Variants in BCAS3 observed in about 807,000 individuals in gnomAD.
The protein encoded by BCAS3 is BCAS3 microtubule associated cell migration factor.
BCAS3 carries 53 observed loss-of-function variants against 116.1 expected under a neutral mutation model. The ratio of observed to expected loss-of-function variants is 0.46; its 90% confidence interval spans 0.37 to 0.57. The LOEUF is 0.57. BCAS3 is among the 20% of genes least tolerant of loss of function. The probability of loss-of-function intolerance (pLI) is 0.00; values close to 1 mark genes in which losing one functional copy is unlikely to be tolerated. For synonymous variants in BCAS3, 391 were observed against 408.2 expected (o/e 0.96, Z 0.51); for missense variants, 917 against 1,165.4 (o/e 0.79, Z 3.10).
rs1225457393 is a variant in BCAS3 at position 61,013,274 on chromosome 17, T to C, written c.1487-2477T>C. 1.3e-5 allele frequency among the ~76,000 whole-genome samples: 2 copies of C among 152,098 alleles called. No homozygotes were observed. The highest frequency in any genetic ancestry group is 2.4e-5 in the African/African-American group (1 of 41,438). ...AGGAAAACAGTCCCTTACAGTGTTA[T>C]CTTAAGCTAAGGCACTCAACAAATA... On this transcript the variant is annotated intron_variant, in intron 15 of 23. Transcript: ENST00000407086. This position sits in a 1 kb window ranked among gnomAD's most constrained non-coding sequence, Gnocchi z 4.4.
chr17:60,989,346 T>C (rs1031342305), intron 14 of BCAS3, among the ~76,000 whole-genome samples: 7 of 152,214 alleles, frequency 4.6e-5, no homozygotes, highest in African/African-American at 1.7e-4. Flanking sequence ...GATATTGAGA[T>C]AAAGGTAGTA....
chr17:61,014,227 A>G (rs1313152805), intron 15 of BCAS3, among the ~76,000 whole-genome samples: 1 of 152,100 alleles, frequency 6.6e-6, no homozygotes, highest in East Asian at 1.9e-4. Context: ...TTTTTGCATG[A>G]AAGAGTTGTT....
intron 15 of BCAS3, among the ~76,000 whole-genome samples, chr17:61,005,782 CT>C (rs975799628): frequency 3.7e-5 from 5 of 135,632 alleles, no homozygotes; most frequent in African/African-American, 1.3e-4. Context: ...GAAAAAATTT[CT>C]TTTTTTTCTT....
In BCAS3 at chr17:61,161,891, C is replaced by T. The variant is rs1318691696; in HGVS notation, c.2425+77327C>T. 6.6e-6 allele frequency among the ~76,000 whole-genome samples: 1 copy of T among 152,192 alleles called. No homozygotes were observed. Among genetic ancestry groups the T allele is most frequent in the East Asian group, 1.9e-4 (1 of 5,198 alleles). On this transcript the variant is annotated intron_variant, in intron 22 of 23. Transcript: ENST00000407086. This position sits in a 1 kb window ranked among gnomAD's most constrained non-coding sequence, Gnocchi z 4.8. ...ATGATTGCTGGACAAAGATGAGCAG[C>T]ACGGATTTGCTGCGATGGTCAGAAT...
intron 6 of BCAS3, among the ~76,000 whole-genome samples, chr17:60,773,699 A>T (rs1050327531): frequency 2.0e-5 from 3 of 152,012 alleles, no homozygotes; most frequent in Admixed American, 1.3e-4. Context: ...CCAGGCTGGA[A>T]AGCAGTGGCG....
chr17:60,719,447 G>T (rs1023598127), intron 5 of BCAS3, among the ~76,000 whole-genome samples: 12 of 152,180 alleles, frequency 7.9e-5, no homozygotes, highest in African/African-American at 2.9e-4. Flanking sequence ...CTATCATCAA[G>T]ACATCCAGTT....
chr17:60,740,497 T>TTAAAAAAA (rs2041432516), intron 5 of BCAS3, among the ~76,000 whole-genome samples: 1 of 96,198 alleles, frequency 1.0e-5, no homozygotes, highest in African/African-American at 5.5e-5. Context: ...AGACCCTGTC[T>TTAAAAAAA]CAAAAAAAAA....
intron 5 of BCAS3, among the ~76,000 whole-genome samples, chr17:60,735,505 G>GT (rs2040866407): frequency 6.6e-6 from 1 of 151,890 alleles, no homozygotes; most frequent in Non-Finnish European, 1.5e-5. Flanking sequence ...CCAGGCTTGA[G>GT]TGCAGTGGCA....
At chr17:61,064,922 A>G (rs942720417) in intron 19 of BCAS3, among the ~76,000 whole-genome samples, 1 of 152,172 alleles carries the variant, frequency 6.6e-6, no homozygotes, top group Admixed American at 6.5e-5. Flanking sequence ...AATCAACAGA[A>G]CAGCCAGTGA....
chr17:60,799,804 C>T (rs1186168938), intron 6 of BCAS3, among the ~76,000 whole-genome samples: 1 of 146,700 alleles, frequency 6.8e-6, no homozygotes, highest in Non-Finnish European at 1.5e-5. Context: ...GATCTGCCTG[C>T]CTCGGCCTCC....
chr17:61,362,471 G>A lies in BCAS3; in HGVS notation c.2426-5856G>A, dbSNP rs1214297853. ...TGCCACAGTCTCTTAAATAGCTAGAGTGTGATTAGACACTATCAGCTTAGA... is the reference window on the plus strand; with the variant it reads ...TGCCACAGTCTCTTAAATAGCTAGAATGTGATTAGACACTATCAGCTTAGA... On this transcript the variant is annotated intron_variant, in intron 22 of 23. Coordinates refer to ENST00000407086, the MANE Select transcript of BCAS3 (RefSeq NM_017679.5). This position sits in a 1 kb window ranked among gnomAD's most constrained non-coding sequence, Gnocchi z 4.4. Among the ~76,000 whole-genome samples the A allele has an allele frequency of 1.3e-5, 2 of 152,198 alleles. No homozygotes were observed. Among genetic ancestry groups the A allele is most frequent in the Non-Finnish European group, 2.9e-5 (2 of 68,034 alleles).
chr17:61,325,536 A>G lies in BCAS3; in HGVS notation c.2426-42791A>G, dbSNP rs1200683219. The stretch of plus-strand genomic sequence containing the variant: ...TTGGTCAGTGGCAGGCACATTTCAC[A>G]CTGAATTCCACCCCATGGGGCTGTG... On this transcript the variant is annotated intron_variant, in intron 22 of 23. Coordinates refer to ENST00000407086, the MANE Select transcript of BCAS3 (RefSeq NM_017679.5). This position sits in a 1 kb window ranked among gnomAD's most constrained non-coding sequence, Gnocchi z 6.4. Among the ~76,000 whole-genome samples, 2 of 152,034 alleles carry G rather than the reference A, an allele frequency of 1.3e-5. No individual in the cohort carries two copies. The highest frequency in any genetic ancestry group is 4.8e-5 in the African/African-American group (2 of 41,392).
At chr17:61,353,949 A>C (rs2058011981) in intron 22 of BCAS3, 1 of 152,320 alleles carries the variant, frequency 6.6e-6, no homozygotes, top group African/African-American at 2.4e-5. Flanking sequence ...CTTAGGCTGC[A>C]AGACTAGGAC....
intron 12 of BCAS3, among the ~76,000 whole-genome samples, chr17:60,915,413 T>C (rs543593758): frequency 6.6e-6 from 1 of 152,208 alleles, no homozygotes; most frequent in South Asian, 2.1e-4. Flanking sequence ...TATACATTCA[T>C]GTAACCCCCA....
intron 5 of BCAS3, among the ~76,000 whole-genome samples, chr17:60,717,431 G>A (rs553594717): frequency 6.6e-6 from 1 of 152,088 alleles, no homozygotes; most frequent in African/African-American, 2.4e-5. Flanking sequence ...GTCCAGGCTG[G>A]TCTTGAACCC....
At chr17:60,928,398 A>T (rs941793917) in intron 13 of BCAS3, among the ~76,000 whole-genome samples, 1 of 152,194 alleles carries the variant, frequency 6.6e-6, no homozygotes, top group Non-Finnish European at 1.5e-5. Context: ...TAGATTGTGA[A>T]CCATAGTCTG....
At chr17:60,805,672 C>CA (rs1228109651) in intron 6 of BCAS3, among the ~76,000 whole-genome samples, 2 of 151,696 alleles carry the variant, frequency 1.3e-5, no homozygotes, top group African/African-American at 2.4e-5. Flanking sequence ...TACTAAAATA[C>CA]AAAAAATTAG....
rs2053324668 is a variant in BCAS3, at chr17:61,300,315, C to T, written c.2426-68012C>T. Among the ~76,000 whole-genome samples, 1 of 152,036 alleles carries T rather than the reference C, an allele frequency of 6.6e-6. No homozygotes were observed. Among genetic ancestry groups the T allele is most frequent in the East Asian group, 1.9e-4 (1 of 5,186 alleles). On this transcript the variant is annotated intron_variant, in intron 22 of 23. Transcript: ENST00000407086. The surrounding 1 kb of genome is among the most constrained non-coding windows in gnomAD (Gnocchi z 5.1). ...GATGAAGCACAGAGAAGTGTCTGGTCCCCATGCCCGCCCTCCTCCCCTTTA... is the reference window on the plus strand; with the variant it reads ...GATGAAGCACAGAGAAGTGTCTGGTTCCCATGCCCGCCCTCCTCCCCTTTA...
rs1483527896 is a variant in BCAS3, at chr17:61,126,106, C to T, written c.2425+41542C>T. 6.6e-6 allele frequency among the ~76,000 whole-genome samples: 1 copy of T among 152,100 alleles called. No individual in the cohort carries two copies. Among genetic ancestry groups the T allele is most frequent in the Non-Finnish European group, 1.5e-5 (1 of 68,002 alleles). Reference sequence around the variant, plus strand: ...TTGTGAATGAATCTTTTGCTTTTTACTTAAGATTACTTTATCCTTAAAACT... The same window carrying T: ...TTGTGAATGAATCTTTTGCTTTTTATTTAAGATTACTTTATCCTTAAAACT... On this transcript the variant is annotated intron_variant, in intron 22 of 23. Transcript: ENST00000407086. This position sits in a 1 kb window ranked among gnomAD's most constrained non-coding sequence, Gnocchi z 4.6.
Sources: gnomAD v4.1 joint callset for allele counts (sites outside exome capture counted in the v4.1 genomes callset) on GRCh38, gnomAD v4.1.1 for gene constraint, Gnocchi (gnomAD v3.1) non-coding constraint, MANE v1.5 for transcripts, NCBI Gene and HGNC (gene_info 2026-07-23, HGNC 2026-07-21) for gene names.